Variants in PAX6 observed in about 807,000 individuals in gnomAD.
PAX6 encodes paired box protein Pax-6.
In PAX6, 7 loss-of-function variants were observed where a neutral mutation model predicts 60.7. That is an observed-to-expected ratio of 0.12 (90% CI 0.07 to 0.22). PAX6 has a LOEUF of 0.22. PAX6 is among the 10% of genes least tolerant of loss of function. The probability of loss-of-function intolerance (pLI) is 1.00; values close to 1 mark genes in which losing one functional copy is unlikely to be tolerated. For missense variants in PAX6, 355 were observed against 555.2 expected (o/e 0.64, Z 3.62); for synonymous variants, 208 against 201.2 (o/e 1.03, Z -0.29).
intron 1 of PAX6, chr11:31,816,513 G>C (rs1217748751): frequency 2.8e-6 from 2 of 702,490 alleles, no homozygotes; most frequent in Non-Finnish European, 2.6e-6. Context: ...TGAGGGAGGA[G>C]GCCCGAGGAT....
intron 8 of PAX6, chr11:31,800,436 A>C: frequency 1.7e-6 from 1 of 589,778 alleles, no homozygotes; most frequent in Non-Finnish European, 3.1e-6. Context: ...GCTGCCCACA[A>C]ACACACACAC....
At chr11:31,802,053 C>G in intron 5 of PAX6, 141 bp from the exon 6 acceptor site, 1 of 745,598 alleles carries the variant, frequency 1.3e-6, no homozygotes, top group South Asian at 1.7e-5. Context: ...AATTTAAAAG[C>G]TTTTTTTAAA....
intron 2 of PAX6, among the ~76,000 whole-genome samples, chr11:31,809,122 A>C (rs1956500583): frequency 6.6e-6 from 1 of 152,174 alleles, no homozygotes; most frequent in South Asian, 2.1e-4. Context: ...TAAAGGGGAG[A>C]GCTCTCGGTC....
chr11:31,816,448 C>G, intron 1 of PAX6: 1 of 672,324 alleles, frequency 1.5e-6, no homozygotes, highest in Non-Finnish European at 2.7e-6. Flanking sequence ...ATTATGTCAC[C>G]GCGTTTTCTC....
chr11:31,789,911 CCT>C lies in PAX6; in HGVS notation c.*21_*22del, dbSNP rs1949208395. Reference sequence around the variant, plus strand: ...ACTGAATTAACACAATATTTCCTTTCCTTTTTTTTTTTTTTTTTTTTTTTACT... The same window carrying C: ...ACTGAATTAACACAATATTTCCTTTCTTTTTTTTTTTTTTTTTTTTTTACT... On this transcript the variant is annotated 3_prime_UTR_variant, in exon 14 of 14. Transcript: ENST00000640368. The C allele has an allele frequency of 3.9e-6, 5 of 1,272,702 alleles. No homozygotes were observed. The highest frequency in any genetic ancestry group is 5.5e-6 in the Non-Finnish European group (5 of 905,090). 78.8% of individuals were successfully genotyped at this position (1,272,702 alleles called of 1,614,324 possible).
intron 4 of PAX6, chr11:31,803,667 G>T (rs543862761): frequency 6.6e-6 from 1 of 152,606 alleles, no homozygotes; most frequent in East Asian, 1.9e-4. Flanking sequence ...GCTTAGAGCC[G>T]GGAGTCGGTT....
chr11:31,794,490 C>T (rs976588854), intron 9 of PAX6, 140 bp downstream of exon 9: 5 of 759,430 alleles, frequency 6.6e-6, no homozygotes, highest in Admixed American at 2.1e-5. Flanking sequence ...TGAAAAGATG[C>T]CCAGAGAAAT....
intron 8 of PAX6, among the ~76,000 whole-genome samples, chr11:31,797,539 C>A (rs1363925155): frequency 6.9e-6 from 1 of 145,028 alleles, no homozygotes; most frequent in African/African-American, 2.6e-5. Context: ...AGATGGGAAG[C>A]GGGGATTGGA....
chr11:31,805,973 CG>C (rs1171272958), intron 4 of PAX6: 1 of 180,032 alleles, frequency 5.6e-6, no homozygotes, highest in African/African-American at 2.4e-5. Context: ...CCAACCCCGC[CG>C]GGTTGGTGGA....
At chr11:31,811,091 G>A (rs997432124) in intron 1 of PAX6, 24 bp downstream of exon 1, 1 of 399,194 alleles carries the variant, frequency 2.5e-6, no homozygotes, top group Non-Finnish European at 4.4e-6. Flanking sequence ...GTGTGGGTGA[G>A]GGAAGTGGCT....
chr11:31,801,153 A>G (rs1953698774), intron 7 of PAX6: 1 of 1,117,090 alleles, frequency 9.0e-7, no homozygotes, highest in Admixed American at 3.0e-5. Flanking sequence ...GCCCGAAAAT[A>G]AAAACTATTT....
chr11:31,792,823 C>T (rs995197500), intron 12 of PAX6: 1 of 199,948 alleles, frequency 5.0e-6, no homozygotes, highest in African/African-American at 2.4e-5. Context: ...GCCACAAACT[C>T]GTCACACCAT....
chr11:31,790,913 C>G, intron 12 of PAX6, 53 bp from the exon 13 acceptor site: 1 of 1,585,452 alleles, frequency 6.3e-7, no homozygotes. Flanking sequence ...CACACAGCCA[C>G]AGCCCCAGGC....
chr11:31,805,112 A>G (rs1295439276), intron 4 of PAX6: 1 of 152,264 alleles, frequency 6.6e-6, no homozygotes, highest in Non-Finnish European at 1.5e-5. Flanking sequence ...CCTCGCGCAC[A>G]CCCGGGAACG....
At chr11:31,816,543 C>A in intron 1 of PAX6, 1 of 702,648 alleles carries the variant, frequency 1.4e-6, no homozygotes, top group Non-Finnish European at 2.6e-6. Flanking sequence ...TGATTTATGA[C>A]TGGAGGAGAA....
chr11:31,810,557 C>CGCGCTG (rs992804891), intron 2 of PAX6: 146 of 270,116 alleles, frequency 5.4e-4, no homozygotes, highest in Middle Eastern at 2.2e-3. Flanking sequence ...GAGCTCAGCC[C>CGCGCTG]GCGCTGGCGC....
upstream of PAX6, among the ~76,000 whole-genome samples, chr11:31,815,762 C>T (rs1957348014): frequency 7.2e-6 from 1 of 138,294 alleles, no homozygotes; most frequent in Non-Finnish European, 1.5e-5. Context: ...TATTTGTCAG[C>T]GCTATCTCCA....
chr11:31,793,489 G>A lies in PAX6; in HGVS notation c.1023C>T (p.Ser341=), dbSNP rs139416026. The A allele has an allele frequency of 5.1e-5, 82 of 1,614,108 alleles. No homozygotes were observed. Among genetic ancestry groups the A allele is most frequent in the African/African-American group, 2.3e-4 (17 of 74,934 alleles). The change falls in exon 12 of 14, where the codon AGC becomes AGT. Residue 341 remains serine (S), a synonymous_variant. Coordinates refer to ENST00000640368, the MANE Select transcript of PAX6 (RefSeq NM_001368894.2). ...RTDTALTNTY[S]ALPPMPSFTM... ...TGAAGCTGGGCATAGGCGGCAGAGC[G>A]CTGTAGGTGTTTGTGAGGGCTGTGT...
At chr11:31,797,185 G>A (rs1206987835) in intron 8 of PAX6, among the ~76,000 whole-genome samples, 2 of 152,096 alleles carry the variant, frequency 1.3e-5, no homozygotes, top group African/African-American at 4.8e-5. Flanking sequence ...ATCTCCCCAT[G>A]GCCACTCATG....
Sources: allele counts gnomAD v4.1 joint callset (sites outside exome capture counted in the v4.1 genomes callset), GRCh38; gene constraint gnomAD v4.1.1; transcripts MANE v1.5; gene names NCBI Gene and HGNC (gene_info 2026-07-23, HGNC 2026-07-21).